The following SLC25A19 variants were observed in gnomAD, a reference collection of about 807,000 sequenced individuals.
SLC25A19 encodes the protein solute carrier family 25 member 19.
SLC25A19 carries 18 observed loss-of-function variants against 27.9 expected under a neutral mutation model. The observed-to-expected ratio is 0.64, with a 90% CI of 0.45 to 0.96. The LOEUF (loss-of-function observed/expected upper bound fraction) is 0.96, where lower values mean the gene tolerates loss of function less well. Among genes scored for constraint, SLC25A19 ranks in the 40% least tolerant of loss-of-function variants. SLC25A19 has a pLI of 0.00. For missense variants in SLC25A19, 371 were observed against 418.3 expected, an observed-to-expected ratio of 0.89 and a Z score of 0.99; for synonymous variants, 169 against 167.1, an observed-to-expected ratio of 1.01 and a Z score of -0.09.
rs143419440 is a variant in SLC25A19, at chr17:75,280,832, G to A, written c.460-2497C>T. Among the ~76,000 whole-genome samples the A allele has an allele frequency of 2.8e-3, 423 of 151,724 alleles. 4 individuals are homozygous for A. Among genetic ancestry groups the A allele is most frequent in the African/African-American group, 9.7e-3 (402 of 41,366 alleles). ...AGCGGACCTGTAGTCCCAGCTGCTT[G>A]GGAGGCTGAGGCATGAGAATCACTT... On this transcript the variant is annotated intron_variant, in intron 5 of 7. Transcript: ENST00000416858.
At chr17:75,276,905 G>A (rs1225449055) in intron 7 of SLC25A19, among the ~76,000 whole-genome samples, 9 of 146,072 alleles carry the variant, frequency 6.2e-5, no homozygotes, top group African/African-American at 2.0e-4. Context: ...GGATGGTCTC[G>A]ATCTCCTGAC....
At chr17:75,279,379 G>A (rs2077978254) in intron 5 of SLC25A19, among the ~76,000 whole-genome samples, 1 of 152,078 alleles carries the variant, frequency 6.6e-6, no homozygotes, top group South Asian at 2.1e-4. Context: ...TCTTAAGGCA[G>A]GTGGAGAGTC....
At chr17:75,280,620 C>T (rs560826765) in intron 5 of SLC25A19, among the ~76,000 whole-genome samples, 2 of 152,124 alleles carry the variant, frequency 1.3e-5, no homozygotes, top group East Asian at 3.9e-4. Flanking sequence ...CAAGACCAGC[C>T]TGGCCAACAT....
rs535293962 is a variant in SLC25A19, at chr17:75,283,528, G to A, written c.354C>T (p.Phe118=). The A allele has an allele frequency of 6.2e-7, 1 of 1,613,782 alleles. No homozygotes were observed. The highest frequency in any genetic ancestry group is 1.1e-5 in the South Asian group (1 of 90,996). The change falls in exon 5 of 8, where the codon TTC becomes TTT. Residue 118 remains phenylalanine, a synonymous_variant. Transcript: ENST00000416858. Reference sequence around the variant, plus strand: ...GGCCACCACATACAAAGTGCACTGAGAATTCCCGGGCGTCATACACGCTGC... The same window carrying A: ...GGCCACCACATACAAAGTGCACTGAAAATTCCCGGGCGTCATACACGCTGC... ...HRGSVYDARE[F]SVHFVCGGLA...
In SLC25A19 at chr17:75,286,729, A is replaced by C. The variant is rs1278532257; in HGVS notation, c.36T>G (p.Asn12Lys). 6.2e-6 allele frequency: 10 copies of C among 1,614,116 alleles called. No individual in the cohort carries two copies. In the East Asian group the frequency reaches 2.2e-4, roughly 36 times the overall value. ...CCACTGCCACCTGGAACTTGGTGTT[A>C]TTCCTGCCATCTGGTTTGGGGTCAT... ...VGYDPKPDGRNNTKFQVAVAG... is the reference protein window; with the variant it reads ...VGYDPKPDGRKNTKFQVAVAG... Residue 12 changes from asparagine (N) to lysine (K), a missense_variant, in exon 3 of 8, where the codon AAT becomes AAG. Transcript: ENST00000416858.
chr17:75,277,207 G>A, intron 7 of SLC25A19, 146 bp downstream of exon 7: 1 of 1,043,772 alleles, frequency 9.6e-7, no homozygotes. Context: ...TTTCCCACAT[G>A]CTTAGGGATC....
intron 7 of SLC25A19, 82 bp downstream of exon 7, chr17:75,277,271 G>A: frequency 6.4e-7 from 1 of 1,571,418 alleles, no homozygotes; most frequent in African/African-American, 1.3e-5. Context: ...GTTGCCCAAT[G>A]GGTAGGAGGT....
At chr17:75,283,341 A>G (rs2078094455) in intron 5 of SLC25A19, 82 bp downstream of exon 5, 11 of 1,344,214 alleles carry the variant, frequency 8.2e-6, no homozygotes, top group Non-Finnish European at 1.1e-5. Flanking sequence ...AAATAAATAA[A>G]TAAATAAAAA....
At chr17:75,284,670 T>A (rs1326776637) in intron 4 of SLC25A19, among the ~76,000 whole-genome samples, 5 of 140,830 alleles carry the variant, frequency 3.6e-5, no homozygotes, top group Admixed American at 1.5e-4. Context: ...GGGACAAGAG[T>A]GTCTCTCTGT....
At position 75,286,654 on chromosome 17, in the gene SLC25A19, G is replaced by A. The variant is rs529553422; in HGVS notation, c.111C>T (p.Asp37=). The A allele has an allele frequency of 8.1e-6, 13 of 1,614,026 alleles. No individual in the cohort carries two copies. Among genetic ancestry groups the A allele is most frequent in the African/African-American group, 1.3e-5 (1 of 74,912 alleles). ...GTACCTGGAAACGGATCTTGATGACGTCGAAGGGACTGATCAGCGCCCGAG... is the reference window on the plus strand; with the variant it reads ...GTACCTGGAAACGGATCTTGATGACATCGAAGGGACTGATCAGCGCCCGAG... ...LVTRALISPF[D]VIKIRFQLQH... The change falls in exon 3 of 8, where the codon GAC becomes GAT. Residue 37 remains aspartate (D), a synonymous_variant. Transcript: ENST00000416858.
At chr17:75,285,206 G>T (rs1200396623) in intron 4 of SLC25A19, among the ~76,000 whole-genome samples, 4 of 152,136 alleles carry the variant, frequency 2.6e-5, no homozygotes, top group Admixed American at 2.6e-4. Flanking sequence ...CAAAGTGATG[G>T]GATTACAGGT....
intron 5 of SLC25A19, among the ~76,000 whole-genome samples, chr17:75,280,530 C>T (rs1352449864): frequency 6.6e-6 from 1 of 151,928 alleles, no homozygotes; most frequent in African/African-American, 2.4e-5. Flanking sequence ...ATTAGCCAGG[C>T]ATGGCCAGGC....
chr17:75,278,355 TTGAA>T lies in SLC25A19; in HGVS notation c.460-24_460-21del. On this transcript the variant is annotated intron_variant, in intron 5 of 7. Coordinates refer to ENST00000416858, the MANE Select transcript of SLC25A19 (RefSeq NM_001126121.2). Reference sequence around the variant, plus strand: ...ATAGACCTGGACACACACACGCACTTTGAATGAGCTCAGTGAAGTGGTTTTAGCC... The same window carrying T: ...ATAGACCTGGACACACACACGCACTTTGAGCTCAGTGAAGTGGTTTTAGCC... The T allele has an allele frequency of 1.9e-6, 3 of 1,613,886 alleles. No homozygotes were observed. The highest frequency in any genetic ancestry group is 2.2e-5 in the South Asian group (2 of 91,064).
rs2078093338 is a variant in SLC25A19, at chr17:75,283,317, A to G, written c.459+106T>C. ...TTCTGTCTCAAACAAAACAAAACAG[A>G]ACAAAACAAAAATAAATAAATAAAT... On this transcript the variant is annotated intron_variant, in intron 5 of 7. Transcript: ENST00000416858. 1.3e-5 allele frequency: 16 copies of G among 1,275,024 alleles called. No individual in the cohort carries two copies. The South Asian group carries it at 2.4e-4, about 19-fold the overall frequency. 79.0% of individuals were successfully genotyped at this position (1,275,024 alleles called of 1,614,324 possible). A position where few individuals can be genotyped will look rare whatever the true frequency, so the allele number is the denominator to read the frequency against.
At chr17:75,288,025 T>C (rs2078224388) in intron 2 of SLC25A19, 1 of 151,386 alleles carries the variant, frequency 6.6e-6, no homozygotes, top group Non-Finnish European at 1.5e-5. Context: ...GCGCCTGTAA[T>C]CCCAGTTACT....
chr17:75,274,825 G>T (rs1305638647), intron 7 of SLC25A19, among the ~76,000 whole-genome samples: 1 of 152,062 alleles, frequency 6.6e-6, no homozygotes, highest in Admixed American at 6.6e-5. Context: ...GGACAAGTTG[G>T]TAAGTGGAAA....
At chr17:75,283,786 G>C (rs1233061690) in intron 4 of SLC25A19, among the ~76,000 whole-genome samples, 193 bp from the exon 5 acceptor site, 1 of 152,184 alleles carries the variant, frequency 6.6e-6, no homozygotes, top group African/African-American at 2.4e-5. Context: ...GATGCCATTT[G>C]ATACTTGAGT....
rs2077772907 is a variant in SLC25A19, at chr17:75,273,243, A to C, written c.*208T>G. On this transcript the variant is annotated 3_prime_UTR_variant, in exon 8 of 8. Transcript: ENST00000416858. ...CTTCTCACTGTGTCGTTGGCTCACC[A>C]TAGACCACGTCCTGCATTCCCTCTG... is the stretch of plus-strand genomic sequence containing the variant. 1 of 600,112 alleles carries C rather than the reference A, an allele frequency of 1.7e-6. No individual in the cohort carries two copies. The highest frequency in any genetic ancestry group is 2.9e-6 in the Non-Finnish European group (1 of 339,110). The allele number at this position is 600,112 out of a possible 1,614,324, so 37.2% of individuals were successfully genotyped here. A position where few individuals can be genotyped will look rare whatever the true frequency, so the allele number is the denominator to read the frequency against.
chr17:75,283,637 G>C (rs975150006), intron 4 of SLC25A19, 44 bp from the exon 5 acceptor site: 11 of 1,588,704 alleles, frequency 6.9e-6, no homozygotes, highest in Non-Finnish European at 9.5e-6. Flanking sequence ...CAAAGGATGA[G>C]GGTGAGGACC....
Sources: allele counts gnomAD v4.1 joint callset (sites outside exome capture counted in the v4.1 genomes callset), GRCh38; gene constraint gnomAD v4.1.1; transcripts MANE v1.5; gene names NCBI Gene and HGNC (gene_info 2026-07-23, HGNC 2026-07-21).